PTPRK: variants seen among roughly 807,000 people sequenced by gnomAD.
PTPRK encodes the protein receptor-type tyrosine-protein phosphatase kappa.
In PTPRK, 75 loss-of-function variants were observed where a neutral mutation model predicts 178.0. That is an observed-to-expected ratio of 0.42 (90% CI 0.35 to 0.51). The LOEUF is 0.51. Among genes scored for constraint, PTPRK ranks in the 20% least tolerant of loss-of-function variants. The probability of loss-of-function intolerance (pLI) is 0.02; values close to 1 mark genes in which losing one functional copy is unlikely to be tolerated. For synonymous variants in PTPRK, 637 were observed against 620.6 expected (o/e 1.03, Z -0.39); for missense variants, 1,441 against 1,797.8 (o/e 0.80, Z 3.59).
At chr6:128,320,210 G>C (rs1828599175) in intron 3 of PTPRK, among the ~76,000 whole-genome samples, 1 of 152,098 alleles carries the variant, frequency 6.6e-6, no homozygotes, top group Non-Finnish European at 1.5e-5. Flanking sequence ...AAATGAGACT[G>C]AACAAAGAAT....
chr6:128,465,796 G>A (rs1019722996), intron 1 of PTPRK, among the ~76,000 whole-genome samples: 1 of 152,026 alleles, frequency 6.6e-6, no homozygotes, highest in Non-Finnish European at 1.5e-5. Flanking sequence ...TCATAACTCA[G>A]TAAATACTTA....
At chr6:128,446,928 C>T (rs1319939705) in intron 1 of PTPRK, among the ~76,000 whole-genome samples, 1 of 152,154 alleles carries the variant, frequency 6.6e-6, no homozygotes, top group South Asian at 2.1e-4. Flanking sequence ...CTTTTCAAAA[C>T]TATACAGTAT....
chr6:128,204,020 AGCTACAGTATAAG>A (rs1202217011), intron 6 of PTPRK, among the ~76,000 whole-genome samples: 1 of 152,226 alleles, frequency 6.6e-6, no homozygotes, highest in Non-Finnish European at 1.5e-5. Flanking sequence ...CCCAACTTCT[AGCTACAGTATAAG>A]GCTACAGTAA....
At chr6:128,005,992 A>T (rs1334671839) in intron 14 of PTPRK, 2 of 1,494,034 alleles carry the variant, frequency 1.3e-6, no homozygotes, top group East Asian at 4.7e-5. Context: ...TCCTTAACAC[A>T]CGTAAAGTTG....
chr6:128,048,288 C>A (rs924864479), intron 13 of PTPRK, among the ~76,000 whole-genome samples: 1 of 152,190 alleles, frequency 6.6e-6, no homozygotes, highest in African/African-American at 2.4e-5. Flanking sequence ...GCCCAGCAAT[C>A]TGCTTAACAA....
At chr6:128,217,713 G>A (rs1809604333) in intron 6 of PTPRK, among the ~76,000 whole-genome samples, 1 of 151,938 alleles carries the variant, frequency 6.6e-6, no homozygotes, top group Non-Finnish European at 1.5e-5. Flanking sequence ...TGTGTTCTCT[G>A]CTTGCTGGTG....
intron 13 of PTPRK, among the ~76,000 whole-genome samples, chr6:128,032,209 C>T (rs1239722473): frequency 6.6e-6 from 1 of 152,162 alleles, no homozygotes; most frequent in East Asian, 1.9e-4. Flanking sequence ...CCTTTGAGCC[C>T]TGCCTCCTGA....
At chr6:128,503,332 T>G (rs1166500009) in intron 1 of PTPRK, among the ~76,000 whole-genome samples, 1 of 152,214 alleles carries the variant, frequency 6.6e-6, no homozygotes, top group Non-Finnish European at 1.5e-5. Flanking sequence ...TTGTGCCCAT[T>G]CATAAGGATT....
rs1375848332 is a variant in PTPRK at position 128,304,649 on chromosome 6, G to A, written c.495+17390C>T. Among the ~76,000 whole-genome samples, 4 of 152,250 alleles carry A rather than the reference G, an allele frequency of 2.6e-5. No individual in the cohort carries two copies. The East Asian group carries it at 5.8e-4, about 22-fold the overall frequency. ...CATATATAACTCTACCAATTGCTAA[G>A]TTTAATAACGATGATTACCTGTTTA... is the stretch of plus-strand genomic sequence containing the variant. On this transcript the variant is annotated intron_variant, in intron 3 of 29. Transcript: ENST00000368226.
chr6:128,381,378 T>C (rs1837894269), intron 2 of PTPRK, among the ~76,000 whole-genome samples: 1 of 152,204 alleles, frequency 6.6e-6, no homozygotes. Flanking sequence ...AAAGCAACTG[T>C]ACTCAGTGAG....
At chr6:128,156,927 C>A (rs1798033989) in intron 7 of PTPRK, among the ~76,000 whole-genome samples, 3 of 151,710 alleles carry the variant, frequency 2.0e-5, no homozygotes, top group Admixed American at 2.0e-4. Context: ...ACTGTGTGAC[C>A]CAAAAGAAGT....
Position 128,339,013 on chromosome 6 carries a change from T to C in PTPRK, c.224-16703A>G, listed in dbSNP as rs187955538. Among the ~76,000 whole-genome samples, 951 of 152,290 alleles carry C rather than the reference T, an allele frequency of 6.2e-3. 3 individuals are homozygous for C. The highest frequency in any genetic ancestry group is 0.027 in the Middle Eastern group (8 of 294). ...AATCCCATAATGCTATTATGTTTTT[T>C]GCTTTTGAAAAGTTTTCAAAAAAAT... On this transcript the variant is annotated intron_variant, in intron 2 of 29. Transcript: ENST00000368226.
chr6:128,410,736 A>C (rs1210009577), intron 1 of PTPRK, among the ~76,000 whole-genome samples: 1 of 152,178 alleles, frequency 6.6e-6, no homozygotes, highest in Non-Finnish European at 1.5e-5. Context: ...TGTGAGTCAA[A>C]GAAAACTTTA....
intron 1 of PTPRK, among the ~76,000 whole-genome samples, chr6:128,459,732 T>C (rs1225764172): frequency 6.6e-6 from 1 of 152,222 alleles, no homozygotes; most frequent in Non-Finnish European, 1.5e-5. Context: ...ATAACAGTTG[T>C]CCATAATTAA....
At chr6:128,049,426 C>T (rs765970545) in intron 13 of PTPRK, among the ~76,000 whole-genome samples, 3 of 151,958 alleles carry the variant, frequency 2.0e-5, no homozygotes, top group South Asian at 2.1e-4. Flanking sequence ...TATCAATGCC[C>T]GCTTGCTTTA....
chr6:128,063,488 A>G (rs1164771175), intron 13 of PTPRK: 1 of 152,232 alleles, frequency 6.6e-6, no homozygotes, highest in African/African-American at 2.4e-5. Flanking sequence ...TCAGAGGTCA[A>G]TGTGGGACAC....
intron 1 of PTPRK, among the ~76,000 whole-genome samples, chr6:128,450,779 G>C (rs1847687294): frequency 6.6e-6 from 1 of 152,184 alleles, no homozygotes; most frequent in South Asian, 2.1e-4. Context: ...AAAATTAATT[G>C]TTAAAATCAC....
At chr6:128,231,374 C>T (rs1456426532) in intron 5 of PTPRK, among the ~76,000 whole-genome samples, 1 of 152,132 alleles carries the variant, frequency 6.6e-6, no homozygotes, top group Non-Finnish European at 1.5e-5. Context: ...ATCACTACTG[C>T]TTAGACAAAA....
At chr6:128,185,698 T>A (rs1802644173) in intron 6 of PTPRK, among the ~76,000 whole-genome samples, 1 of 152,096 alleles carries the variant, frequency 6.6e-6, no homozygotes, top group Admixed American at 6.6e-5. Context: ...TTGGAGCAAA[T>A]CACATAAACT....
Sources: gnomAD v4.1 joint callset for allele counts (sites outside exome capture counted in the v4.1 genomes callset) on GRCh38, gnomAD v4.1.1 for gene constraint, MANE v1.5 for transcripts, NCBI Gene and HGNC (gene_info 2026-07-23, HGNC 2026-07-21) for gene names.